The following UVRAG variants were observed in gnomAD, a reference collection of about 807,000 sequenced individuals.
The protein encoded by UVRAG is UV radiation resistance associated.
Under a neutral mutation model 78.0 loss-of-function variants are expected in UVRAG, and 19 were observed. The ratio of observed to expected loss-of-function variants is 0.24; its 90% CI spans 0.17 to 0.36. The LOEUF is 0.36. Among genes scored for constraint, UVRAG ranks in the 10% least tolerant of loss-of-function variants. UVRAG has a pLI of 1.00. For synonymous variants in UVRAG, 323 were observed against 324.6 expected (o/e 1.00, Z 0.05); for missense variants, 740 against 853.8 (o/e 0.87, Z 1.66).
intron 13 of UVRAG, among the ~76,000 whole-genome samples, chr11:76,110,373 A>T (rs1349818909): frequency 6.6e-6 from 1 of 152,172 alleles, no homozygotes; most frequent in African/African-American, 2.4e-5. Flanking sequence ...ACAAGTAAGG[A>T]AATGGAATCT....
intron 7 of UVRAG, among the ~76,000 whole-genome samples, chr11:75,978,064 G>C (rs557575342): frequency 9.2e-5 from 14 of 152,218 alleles, no homozygotes; most frequent in African/African-American, 3.4e-4. Flanking sequence ...GGCAGGCCTG[G>C]TGGTGACAAA....
At chr11:75,899,212 A>C (rs1011660508) in intron 5 of UVRAG, among the ~76,000 whole-genome samples, 3 of 152,214 alleles carry the variant, frequency 2.0e-5, no homozygotes, top group African/African-American at 7.2e-5. Flanking sequence ...ATCTGAACCC[A>C]GATTAAATCC....
intron 13 of UVRAG, among the ~76,000 whole-genome samples, chr11:76,070,665 A>G (rs1157385225): frequency 6.6e-6 from 1 of 152,192 alleles, no homozygotes; most frequent in Admixed American, 6.5e-5. Context: ...TGTGCTGTGT[A>G]CGCTGAGTTA....
At chr11:75,997,465 C>T (rs1052182578) in intron 8 of UVRAG, among the ~76,000 whole-genome samples, 36 of 152,330 alleles carry the variant, frequency 2.4e-4, no homozygotes, top group Admixed American at 2.4e-3. Flanking sequence ...TCTGATTTAA[C>T]AGAGTAGAAC....
At chr11:76,033,007 A>G (rs2093150260) in intron 12 of UVRAG, among the ~76,000 whole-genome samples, 1 of 152,254 alleles carries the variant, frequency 6.6e-6, no homozygotes, top group Admixed American at 6.5e-5. Context: ...AAACCTATCT[A>G]TAAAGTATTT....
At chr11:75,906,483 G>C (rs1241044592) in intron 5 of UVRAG, among the ~76,000 whole-genome samples, 2 of 152,060 alleles carry the variant, frequency 1.3e-5, no homozygotes, top group African/African-American at 2.4e-5. Flanking sequence ...GAGTAGCTGG[G>C]ATTACAAGCG....
chr11:75,844,732 G>A (rs1945998478), intron 1 of UVRAG, among the ~76,000 whole-genome samples: 1 of 151,110 alleles, frequency 6.6e-6, no homozygotes, highest in Admixed American at 6.6e-5. Flanking sequence ...GAGTACAGTG[G>A]TGCCATCATG....
chr11:76,132,200 C>T (rs1438068916), intron 14 of UVRAG, among the ~76,000 whole-genome samples: 11 of 152,146 alleles, frequency 7.2e-5, no homozygotes, highest in East Asian at 3.8e-4. Flanking sequence ...TTCTGGTGGC[C>T]GTAAACCAAC....
chr11:75,877,740 C>T (rs1290579286), intron 3 of UVRAG, among the ~76,000 whole-genome samples: 3 of 141,114 alleles, frequency 2.1e-5, no homozygotes, highest in African/African-American at 8.1e-5. Flanking sequence ...GGGGGGCTGA[C>T]CCCCCCACTT....
At position 75,988,377 on chromosome 11, in the gene UVRAG, T is replaced by C. The variant is rs1949541638; in HGVS notation, c.826+4864T>C. Among the ~76,000 whole-genome samples, 3 of 152,366 alleles carry C rather than the reference T, an allele frequency of 2.0e-5. No homozygotes were observed. In the South Asian group the frequency reaches 6.2e-4, roughly 32 times the overall value. On this transcript the variant is annotated intron_variant, in intron 8 of 14. Coordinates refer to ENST00000356136, the MANE Select transcript of UVRAG (RefSeq NM_003369.4). ...AATGGAATCATACAATATGCACTTT[T>C]TATATCTGGCTCTTTTTCACTTAGC...
chr11:76,141,149 G>T lies in UVRAG; in HGVS notation c.1836G>T (p.Gln612His). ...AGCAGGCCGGGTCCGCCAGTGTCCAGCTTCCAGGCGAGTTCCACCCAGTCT... is the reference window on the plus strand; with the variant it reads ...AGCAGGCCGGGTCCGCCAGTGTCCATCTTCCAGGCGAGTTCCACCCAGTCT... ...PSEQAGSASVQLPGEFHPVSE... is the reference protein window; with the variant it reads ...PSEQAGSASVHLPGEFHPVSE... The change falls in exon 15 of 15, where the codon CAG becomes CAT. Residue 612 changes from glutamine (Q) to histidine (H), a missense_variant. Physicochemically the swap from Gln to His is conservative, Grantham distance 24. Transcript: ENST00000356136. The T allele has an allele frequency of 6.2e-7, 1 of 1,614,174 alleles. No individual in the cohort carries two copies. The highest frequency in any genetic ancestry group is 8.5e-7 in the Non-Finnish European group (1 of 1,180,046).
intron 1 of UVRAG, among the ~76,000 whole-genome samples, chr11:75,819,583 T>C (rs953487420): frequency 2.0e-5 from 3 of 152,038 alleles, no homozygotes; most frequent in African/African-American, 7.2e-5. Context: ...TGGCCTCAGG[T>C]GATCCGCCTG....
intron 12 of UVRAG, among the ~76,000 whole-genome samples, chr11:76,025,780 G>A (rs1167467678): frequency 6.6e-6 from 1 of 152,084 alleles, no homozygotes; most frequent in African/African-American, 2.4e-5. Context: ...CATTGCATGT[G>A]GACCTGATTC....
At chr11:76,123,673 A>G (rs540388819) in intron 14 of UVRAG, among the ~76,000 whole-genome samples, 12 of 152,342 alleles carry the variant, frequency 7.9e-5, no homozygotes, top group African/African-American at 2.9e-4. Flanking sequence ...ACACAGAGGA[A>G]GGAGCACTAG....
At chr11:75,828,707 ATATG>A (rs1481777002) in intron 1 of UVRAG, among the ~76,000 whole-genome samples, 2 of 140,638 alleles carry the variant, frequency 1.4e-5, no homozygotes, top group African/African-American at 2.8e-5. Flanking sequence ...GTATATATAT[ATATG>A]TGTATATATA....
At chr11:75,909,891 G>A (rs1947697545) in intron 5 of UVRAG, among the ~76,000 whole-genome samples, 1 of 152,078 alleles carries the variant, frequency 6.6e-6, no homozygotes, top group Admixed American at 6.6e-5. Flanking sequence ...TCTAGTTTTG[G>A]CATCAGTAAT....
intron 1 of UVRAG, among the ~76,000 whole-genome samples, chr11:75,831,560 G>A (rs768120196): frequency 6.6e-6 from 1 of 151,960 alleles, no homozygotes; most frequent in Non-Finnish European, 1.5e-5. Context: ...CCATTTTAGT[G>A]TAATATAAGA....
chr11:75,878,110 G>A (rs1590965202), intron 3 of UVRAG, among the ~76,000 whole-genome samples: 1 of 151,118 alleles, frequency 6.6e-6, no homozygotes, highest in Non-Finnish European at 1.5e-5. Flanking sequence ...CAGATGGGGC[G>A]GTTGCCGGGC....
At chr11:75,878,654 C>G (rs1414800837) in intron 3 of UVRAG, among the ~76,000 whole-genome samples, 1 of 152,220 alleles carries the variant, frequency 6.6e-6, no homozygotes, top group African/African-American at 2.4e-5. Context: ...CGGTTAGGAG[C>G]TGGAGACCAG....
Sources: gnomAD v4.1 joint callset for allele counts (sites outside exome capture counted in the v4.1 genomes callset) on GRCh38, gnomAD v4.1.1 for gene constraint, MANE v1.5 for transcripts, NCBI Gene and HGNC (gene_info 2026-07-23, HGNC 2026-07-21) for gene names.